Variants in USP3 observed in about 807,000 individuals in gnomAD.
The protein encoded by USP3 is ubiquitin carboxyl-terminal hydrolase 3.
A neutral mutation model predicts 72.3 loss-of-function variants in USP3; 20 were observed. The ratio of observed to expected loss-of-function variants is 0.28; its 90% confidence interval spans 0.19 to 0.40. The LOEUF is 0.40. Ranked by LOEUF, USP3 falls within the 10% of genes least tolerant of loss-of-function variation. The probability of loss-of-function intolerance (pLI) is 1.00; values close to 1 mark genes in which losing one functional copy is unlikely to be tolerated. For synonymous variants in USP3, 222 were observed against 225.3 expected, an observed-to-expected ratio of 0.99 and a Z score of 0.13; for missense variants, 479 against 633.9, an observed-to-expected ratio of 0.76 and a Z score of 2.62.
In USP3 at chr15:63,591,295, AC is replaced by A. The variant is rs2067194874; in HGVS notation, c.*470del. On this transcript the variant is annotated 3_prime_UTR_variant, in exon 15 of 15. Coordinates refer to ENST00000380324, the MANE Select transcript of USP3 (RefSeq NM_006537.4). ...CATGTGTGCACAATACTTGTGGCCCACAAAATTTCACAATGACTGCTGAGGA... is the reference window on the plus strand; with the variant it reads ...CATGTGTGCACAATACTTGTGGCCCAAAAATTTCACAATGACTGCTGAGGA... 1 of 152,968 alleles carries A rather than the reference AC, an allele frequency of 6.5e-6. No homozygotes were observed. Among genetic ancestry groups the A allele is most frequent in the African/African-American group, 2.4e-5 (1 of 41,470 alleles). The allele number at this position is 152,968 out of a possible 1,614,324, so 9.5% of individuals were successfully genotyped here. A position where few individuals can be genotyped will look rare whatever the true frequency, so the allele number is the denominator to read the frequency against.
In USP3 at chr15:63,560,072, A is replaced by T. The variant is rs187392606; in HGVS notation, c.647+102A>T. 2.3e-4 allele frequency: 209 copies of T among 910,620 alleles called. 1 individual carries two copies. The African/African-American group carries it at 3.4e-3, about 15-fold the overall frequency. 56.4% of individuals were successfully genotyped at this position (910,620 alleles called of 1,614,324 possible). A position where few individuals can be genotyped will look rare whatever the true frequency, so the allele number is the denominator to read the frequency against. ...AAGTGAGCTAACAGGCACATGCCTT[A>T]AAAAAAATCTTCTAAAAATTGTGTT... On this transcript the variant is annotated intron_variant, in intron 7 of 14. Coordinates refer to ENST00000380324, the MANE Select transcript of USP3 (RefSeq NM_006537.4).
At position 63,559,119 on chromosome 15, in the gene USP3, A is replaced by G. The variant is rs1434852572; in HGVS notation, c.534-738A>G. Among the ~76,000 whole-genome samples the G allele has an allele frequency of 2.6e-5, 4 of 152,156 alleles. No individual in the cohort carries two copies. In the East Asian group the frequency reaches 7.7e-4, roughly 29 times the overall value. ...GACGTTGGTGATGACCTCGATCAGT[A>G]AGATATAAATAACTCCCAGAAGCTT... On this transcript the variant is annotated intron_variant, in intron 6 of 14. Coordinates refer to ENST00000380324, the MANE Select transcript of USP3 (RefSeq NM_006537.4).
chr15:63,558,241 G>A, intron 6 of USP3, 53 bp downstream of exon 6: 1 of 1,592,994 alleles, frequency 6.3e-7, no homozygotes, highest in Non-Finnish European at 8.6e-7. Context: ...AAGAGCACGG[G>A]CTCTGGCTCC....
Position 63,588,899 on chromosome 15 carries a change from G to C in USP3, c.1330-45G>C. ...ACATGGAGAGGGTAGAGGTCATCGAGATACTGATGTCATTGACCACTGCTC... is the reference window on the plus strand; with the variant it reads ...ACATGGAGAGGGTAGAGGTCATCGACATACTGATGTCATTGACCACTGCTC... On this transcript the variant is annotated intron_variant, in intron 13 of 14. Coordinates refer to ENST00000380324, the MANE Select transcript of USP3 (RefSeq NM_006537.4). This position sits in a 1 kb window ranked among gnomAD's most constrained non-coding sequence, Gnocchi z 4.6. The C allele has an allele frequency of 6.2e-7, 1 of 1,611,886 alleles. No individual in the cohort carries two copies. Among genetic ancestry groups the C allele is most frequent in the Non-Finnish European group, 8.5e-7 (1 of 1,177,926 alleles).
At chr15:63,516,784 G>GT (rs562807101) in intron 1 of USP3, among the ~76,000 whole-genome samples, 81 of 147,192 alleles carry the variant, frequency 5.5e-4, no homozygotes, top group African/African-American at 1.1e-3. Flanking sequence ...GGCATGGGTA[G>GT]TTTTTTTTTT....
rs759826611 is a variant in USP3 at position 63,504,802 on chromosome 15, C to A, written c.63C>A (p.Asn21Lys). 2.5e-6 allele frequency: 4 copies of A among 1,610,664 alleles called. No individual in the cohort carries two copies. The Admixed American group carries it at 5.0e-5, about 20-fold the overall frequency. ...CIAPDSAKFPNGSPSSWCCSV... is the reference protein window; with the variant it reads ...CIAPDSAKFPKGSPSSWCCSV... ...CTCCGGACTCAGCCAAGTTCCCCAA[C>A]GGCTCCCCGTCGTCCTGGTGCTGCA... is the stretch of plus-strand genomic sequence containing the variant. Residue 21 changes from asparagine to lysine, a missense_variant, in exon 1 of 15, where the codon AAC (asparagine) becomes AAA (lysine). Transcript: ENST00000380324.
intron 6 of USP3, 43 bp from the exon 7 acceptor site, chr15:63,559,814 A>G (rs779757302): frequency 1.4e-5 from 21 of 1,533,572 alleles, no homozygotes; most frequent in South Asian, 3.6e-5. Flanking sequence ...TTACAGTCCT[A>G]TTCTTTTCTT....
intron 1 of USP3, among the ~76,000 whole-genome samples, chr15:63,506,526 T>C (rs1337954430): frequency 2.6e-5 from 4 of 152,198 alleles, no homozygotes; most frequent in Admixed American, 1.3e-4. Context: ...AACTTAAAAA[T>C]GGCTTCACTG....
intron 1 of USP3, among the ~76,000 whole-genome samples, chr15:63,507,033 C>G (rs963756719): frequency 6.6e-5 from 10 of 152,176 alleles, no homozygotes; most frequent in African/African-American, 2.4e-4. Context: ...GAGTCCTTAA[C>G]TAACTCATTA....
chr15:63,589,456 A>AT (rs1253788641), intron 14 of USP3, among the ~76,000 whole-genome samples: 1 of 152,178 alleles, frequency 6.6e-6, no homozygotes, highest in Non-Finnish European at 1.5e-5. Context: ...GAGAGTGGCT[A>AT]TTTTACCTTC....
At chr15:63,546,421 C>CT (rs144633175) in intron 3 of USP3, among the ~76,000 whole-genome samples, 2,321 of 152,242 alleles carry the variant, frequency 0.015, 62 homozygotes, top group African/African-American at 0.053. Flanking sequence ...GAGTTACGTA[C>CT]TTTTTTGTAC....
rs2067210817 is a variant in USP3, at chr15:63,592,007, CGAGTAGCAATTCTCCTGCCTCAACCTCCT to C, written c.*1189_*1217del. 6.6e-6 allele frequency: 1 copy of C among 152,072 alleles called. No homozygotes were observed. The highest frequency in any genetic ancestry group is 1.5e-5 in the Non-Finnish European group (1 of 68,036). 9.4% of individuals were successfully genotyped at this position (152,072 alleles called of 1,614,324 possible). A position where few individuals can be genotyped will look rare whatever the true frequency, so the allele number is the denominator to read the frequency against. On this transcript the variant is annotated 3_prime_UTR_variant, in exon 15 of 15. Transcript: ENST00000380324. ...TCAGCTCATTGCAACCTCGGCCTCC[CGAGTAGCAATTCTCCTGCCTCAACCTCCT>C]GAGTAGCTGGGATTACAGGTGCCCA...
intron 1 of USP3, among the ~76,000 whole-genome samples, chr15:63,507,820 G>A (rs2065733016): frequency 1.3e-5 from 2 of 152,136 alleles, no homozygotes; most frequent in African/African-American, 4.8e-5. Flanking sequence ...GCTTATATCT[G>A]TTGATGATGT....
At chr15:63,568,137 G>T (rs1467357257) in intron 8 of USP3, among the ~76,000 whole-genome samples, 6 of 151,932 alleles carry the variant, frequency 3.9e-5, no homozygotes, top group African/African-American at 1.5e-4. Flanking sequence ...GGCGGATCAC[G>T]AGTCAGGAGA....
intron 3 of USP3, among the ~76,000 whole-genome samples, chr15:63,538,712 A>AT (rs568265299): frequency 2.2e-3 from 332 of 151,788 alleles, no homozygotes; most frequent in African/African-American, 7.7e-3. Flanking sequence ...CTCCCGGCTA[A>AT]TTTTTTTGTA....
rs1299387407 is a variant in USP3 at position 63,574,305 on chromosome 15, C to T, written c.1016-18C>T. 2 of 1,568,318 alleles carry T rather than the reference C, an allele frequency of 1.3e-6. No homozygotes were observed. Among genetic ancestry groups the T allele is most frequent in the Non-Finnish European group, 1.7e-6 (2 of 1,161,094 alleles). On this transcript the variant is annotated intron_variant, in intron 10 of 14. Coordinates refer to ENST00000380324, the MANE Select transcript of USP3 (RefSeq NM_006537.4). The surrounding 1 kb of genome is among the most constrained non-coding windows in gnomAD (Gnocchi z 4.6). ...TATGCCTTTAACAGCTCTCTGTTTA[C>T]CTCTCTCTCCTTTTAAGACCTTTCA...
intron 7 of USP3, among the ~76,000 whole-genome samples, chr15:63,560,423 A>G (rs1012262164): frequency 6.6e-6 from 1 of 152,030 alleles, no homozygotes; most frequent in Admixed American, 6.6e-5. Flanking sequence ...CTCAAAAAAA[A>G]AAAAAAAAAT....
chr15:63,511,430 A>G (rs1385770027), intron 1 of USP3, among the ~76,000 whole-genome samples: 2 of 152,118 alleles, frequency 1.3e-5, no homozygotes, highest in East Asian at 3.8e-4. Flanking sequence ...ACTTATTTTA[A>G]AATTTGGTCT....
chr15:63,520,524 G>A (rs1024745671), intron 1 of USP3, among the ~76,000 whole-genome samples: 3 of 100,378 alleles, frequency 3.0e-5, no homozygotes, highest in African/African-American at 1.1e-4. Context: ...CATAAAGTTT[G>A]TTCATTTGTT....
Sources: gnomAD v4.1 joint callset for allele counts (sites outside exome capture counted in the v4.1 genomes callset) on GRCh38, gnomAD v4.1.1 for gene constraint, Gnocchi (gnomAD v3.1) non-coding constraint, MANE v1.5 for transcripts, NCBI Gene and HGNC (gene_info 2026-07-23, HGNC 2026-07-21) for gene names.